ACTG2: variants seen among roughly 807,000 people sequenced by gnomAD.
ACTG2 encodes the protein actin, gamma-enteric smooth muscle.
ACTG2 carries 16 observed loss-of-function variants against 37.6 expected under a neutral mutation model. The observed-to-expected ratio is 0.43, with a 90% confidence interval of 0.29 to 0.65. The LOEUF is 0.65. ACTG2 is among the 30% of genes least tolerant of loss of function. ACTG2 has a pLI of 0.18. For missense variants in ACTG2, 238 were observed against 490.9 expected (o/e 0.48, Z 4.87); for synonymous variants, 181 against 179.9 (o/e 1.01, Z -0.05).
chr2:73,904,775 GTGTATATATATATATATATATATATA>G (rs1369890795), intron 3 of ACTG2, among the ~76,000 whole-genome samples: 2 of 19,108 alleles, frequency 1.0e-4, no homozygotes, highest in African/African-American at 1.5e-4. Flanking sequence ...GTGTGTGTGT[GTGTATATATATATATATATATATATA>G]TATATATATA....
rs2104822473 is a variant in ACTG2, at chr2:73,914,695, T to C, written c.629T>C (p.Val210Ala). The part of the protein sequence containing the change: ...SFVTTAEREI[V>A]RDIKEKLCYV... ...CTCCTTCCAGCTGAGAGAGAAATTG[T>C]GCGAGACATCAAGGAGAAGCTGTGC... Residue 210 changes from valine to alanine, a missense_variant, in exon 7 of 9, where the codon GTG becomes GCG. Coordinates refer to ENST00000345517, the MANE Select transcript of ACTG2 (RefSeq NM_001615.4). 1.0e-5 allele frequency: 16 copies of C among 1,591,818 alleles called. No homozygotes were observed. The highest frequency in any genetic ancestry group is 1.4e-5 in the Non-Finnish European group (16 of 1,168,216).
At chr2:73,899,828 C>T (rs1433372505) in intron 1 of ACTG2, among the ~76,000 whole-genome samples, 1 of 152,150 alleles carries the variant, frequency 6.6e-6, no homozygotes, top group African/African-American at 2.4e-5. Flanking sequence ...CTATGGGAGA[C>T]ATAAGGATCA....
In ACTG2 at chr2:73,902,458, C is replaced by T. The variant is rs755027476; in HGVS notation, c.225C>T (p.Gly75=). The T allele has an allele frequency of 6.2e-7, 1 of 1,614,084 alleles. No individual in the cohort carries two copies. ...CTCTCAAATACCCCATTGAACACGG[C>T]ATCATCACCAACTGGGATGACATGG... is the stretch of plus-strand genomic sequence containing the variant. ...ILTLKYPIEH[G]IITNWDDMEK... Residue 75 remains glycine (G), a synonymous_variant, in exon 3 of 9, where the codon GGC becomes GGT. Coordinates refer to ENST00000345517, the MANE Select transcript of ACTG2 (RefSeq NM_001615.4).
At chr2:73,900,631 TAC>T (rs1679853756) in intron 1 of ACTG2, among the ~76,000 whole-genome samples, 1 of 152,222 alleles carries the variant, frequency 6.6e-6, no homozygotes, top group African/African-American at 2.4e-5. Context: ...CTTAGGAGTG[TAC>T]ATTTCACCTA....
intron 5 of ACTG2, among the ~76,000 whole-genome samples, chr2:73,911,723 T>C (rs561784677): frequency 6.6e-6 from 1 of 152,330 alleles, no homozygotes; most frequent in South Asian, 2.1e-4. Context: ...TCAGCTTCCT[T>C]ATAATATTAT....
At chr2:73,901,101 A>G (rs1427646983) in intron 1 of ACTG2, among the ~76,000 whole-genome samples, 175 bp from the exon 2 acceptor site, 1 of 152,092 alleles carries the variant, frequency 6.6e-6, no homozygotes, top group Non-Finnish European at 1.5e-5. Flanking sequence ...CACAATTCAC[A>G]TTTCAGGGCA....
chr2:73,915,403 C>G (rs1680242786), intron 7 of ACTG2, among the ~76,000 whole-genome samples: 1 of 151,516 alleles, frequency 6.6e-6, no homozygotes, highest in Non-Finnish European at 1.5e-5. Context: ...GCCCATGGTC[C>G]CAGATACTCA....
At chr2:73,917,358 T>G (rs1680292408) in intron 8 of ACTG2, among the ~76,000 whole-genome samples, 1 of 152,204 alleles carries the variant, frequency 6.6e-6, no homozygotes, top group African/African-American at 2.4e-5. Context: ...GGGCCAGCTC[T>G]GCTTCAAACT....
chr2:73,898,899 T>A (rs926157149), intron 1 of ACTG2, among the ~76,000 whole-genome samples: 1 of 148,610 alleles, frequency 6.7e-6, no homozygotes, highest in African/African-American at 2.5e-5. Context: ...GCCTCCCGGG[T>A]TCACGCCATT....
chr2:73,903,939 C>CAAAAAAAAAAAAAAAAA (rs61362643), intron 3 of ACTG2, among the ~76,000 whole-genome samples: 1 of 90,022 alleles, frequency 1.1e-5, no homozygotes, highest in African/African-American at 4.3e-5. Flanking sequence ...GACTCCGTCT[C>CAAAAAAAAAAAAAAAAA]AAAAAAAAAA....
chr2:73,900,842 CT>C (rs1558621940), intron 1 of ACTG2, among the ~76,000 whole-genome samples: 1 of 152,124 alleles, frequency 6.6e-6, no homozygotes, highest in Admixed American at 6.5e-5. Flanking sequence ...GAACTTTTAG[CT>C]TCTTTCTTTG....
At chr2:73,908,560 A>G in intron 3 of ACTG2, 113 bp from the exon 4 acceptor site, 2 of 898,994 alleles carry the variant, frequency 2.2e-6, no homozygotes, top group Non-Finnish European at 3.4e-6. Context: ...TCCTCTCCAG[A>G]TCCATCCCAT....
At position 73,916,586 on chromosome 2, in the gene ACTG2, A is replaced by G; in HGVS notation, c.808A>G (p.Met270Val). 6.2e-7 allele frequency: 1 copy of G among 1,612,404 alleles called. No individual in the cohort carries two copies. Among genetic ancestry groups the G allele is most frequent in the Non-Finnish European group, 8.5e-7 (1 of 1,179,026 alleles). Residue 270 changes from methionine to valine, a missense_variant and splice_region_variant, in exon 8 of 9, where the codon ATG becomes GTG. Met to Val is a conservative substitution (Grantham distance 21). Coordinates refer to ENST00000345517, the MANE Select transcript of ACTG2 (RefSeq NM_001615.4). ...ETLFQPSFIG[M>V]ESAGIHETTY... ...CCAGACACTGTGATCTCCACTAGGC[A>G]TGGAGTCCGCTGGAATTCATGAGAC...
chr2:73,913,756 C>A, intron 6 of ACTG2, 110 bp downstream of exon 6: 1 of 955,714 alleles, frequency 1.0e-6, no homozygotes. Flanking sequence ...TTAAACTCTC[C>A]TGAGATAGAC....
intron 2 of ACTG2, among the ~76,000 whole-genome samples, chr2:73,902,156 C>A (rs1012863858): frequency 6.6e-6 from 1 of 151,946 alleles, no homozygotes; most frequent in South Asian, 2.1e-4. Flanking sequence ...GAAAGGCCAC[C>A]ACACAAGAAA....
At chr2:73,895,881 AC>A (rs1679737074) in intron 1 of ACTG2, among the ~76,000 whole-genome samples, 1 of 152,226 alleles carries the variant, frequency 6.6e-6, no homozygotes, top group Non-Finnish European at 1.5e-5. Context: ...TGTCACAAGT[AC>A]TCAATTCTAC....
At chr2:73,914,626 C>A in intron 6 of ACTG2, 54 bp from the exon 7 acceptor site, 1 of 1,350,760 alleles carries the variant, frequency 7.4e-7, no homozygotes, top group South Asian at 1.8e-5. Context: ...CAAAATGGGA[C>A]AACCAAACTA....
At chr2:73,913,185 A>T (rs916139182) in intron 5 of ACTG2, among the ~76,000 whole-genome samples, 1 of 151,868 alleles carries the variant, frequency 6.6e-6, no homozygotes, top group African/African-American at 2.4e-5. Context: ...AAAAAAAAAA[A>T]AGAATATGCA....
rs1184003349 is a variant in ACTG2 at position 73,904,795 on chromosome 2, A to G, written c.255+2307A>G. Among the ~76,000 whole-genome samples, 1,014 of 108,064 alleles carry G rather than the reference A, an allele frequency of 9.4e-3. 19 individuals are homozygous for G. Among genetic ancestry groups the G allele is most frequent in the East Asian group, 0.026 (122 of 4,622 alleles). The allele number at this position is 108,064 out of a possible 152,430, so 70.9% of individuals were successfully genotyped here. A position where few individuals can be genotyped will look rare whatever the true frequency, so the allele number is the denominator to read the frequency against. ...TGTGTGTGTATATATATATATATAT[A>G]TATATATATATATATATATAATCTT... On this transcript the variant is annotated intron_variant, in intron 3 of 8. Transcript: ENST00000345517.
Sources: allele counts gnomAD v4.1 joint callset (sites outside exome capture counted in the v4.1 genomes callset), GRCh38; gene constraint gnomAD v4.1.1; transcripts MANE v1.5; gene names NCBI Gene and HGNC (gene_info 2026-07-23, HGNC 2026-07-21).